RBX1: variants seen among roughly 807,000 people sequenced by gnomAD.
The protein encoded by RBX1 is E3 ubiquitin-protein ligase RBX1.
For synonymous variants in RBX1, 48 were observed against 47.9 expected (o/e 1.00, Z -0.01); for missense variants, 46 against 141.4 (o/e 0.33, Z 3.42).
At chr22:40,960,518 CCA>C (rs2058337028) in intron 2 of RBX1, among the ~76,000 whole-genome samples, 1 of 152,000 alleles carries the variant, frequency 6.6e-6, no homozygotes, top group Non-Finnish European at 1.5e-5. Context: ...AGTGCCATGG[CCA>C]CAGTCAAAAG....
intron 1 of RBX1, among the ~76,000 whole-genome samples, chr22:40,952,382 A>G (rs965252510): frequency 6.6e-6 from 1 of 152,218 alleles, no homozygotes; most frequent in Non-Finnish European, 1.5e-5. Flanking sequence ...TTCCTAGAAC[A>G]TCTGGCTAAA....
At chr22:40,957,588 AG>A (rs1020210351) in intron 2 of RBX1, among the ~76,000 whole-genome samples, 14 of 152,340 alleles carry the variant, frequency 9.2e-5, no homozygotes, top group African/African-American at 3.4e-4. Context: ...CAGTGAGTCA[AG>A]ATTTTGCCAC....
chr22:40,960,502 G>T (rs2058336992), intron 2 of RBX1, among the ~76,000 whole-genome samples: 1 of 152,042 alleles, frequency 6.6e-6, no homozygotes, highest in African/African-American at 2.4e-5. Context: ...GGTTCTTTAG[G>T]TTAGTAGTGC....
At chr22:40,951,937 C>T (rs1044681279) in intron 1 of RBX1, among the ~76,000 whole-genome samples, 1 of 151,680 alleles carries the variant, frequency 6.6e-6, no homozygotes, top group African/African-American at 2.4e-5. Context: ...TGATCTTGCT[C>T]CGCCCCTTTT....
intron 2 of RBX1, among the ~76,000 whole-genome samples, chr22:40,958,533 T>G (rs954613766): frequency 2.6e-5 from 4 of 152,196 alleles, no homozygotes; most frequent in Admixed American, 2.0e-4. Flanking sequence ...TTCTGAAGAC[T>G]TCCTCTTTTA....
At chr22:40,951,526 T>C (rs2058310263) in intron 1 of RBX1, 50 bp downstream of exon 1, 4 of 1,572,858 alleles carry the variant, frequency 2.5e-6, no homozygotes, top group Non-Finnish European at 2.6e-6. Context: ...GGCGCGGATC[T>C]GGCTGGCAGG....
At chr22:40,952,983 C>CGTTT in intron 1 of RBX1, among the ~76,000 whole-genome samples, 1 of 86,900 alleles carries the variant, frequency 1.2e-5, no homozygotes, top group Middle Eastern at 9.3e-3. Context: ...AGTTTGTGCC[C>CGTTT]TTTTTTTTTT....
At chr22:40,959,192 C>T (rs919361282) in intron 2 of RBX1, among the ~76,000 whole-genome samples, 5 of 152,126 alleles carry the variant, frequency 3.3e-5, no homozygotes, top group African/African-American at 9.7e-5. Flanking sequence ...TTTGGTGGTA[C>T]AGCGTTTTTA....
chr22:40,954,736 CTT>C (rs759762135), intron 2 of RBX1, among the ~76,000 whole-genome samples: 51 of 142,536 alleles, frequency 3.6e-4, no homozygotes, highest in Admixed American at 4.2e-4. Flanking sequence ...TACCTGGATG[CTT>C]TTTTTTTTTT....
intron 4 of RBX1, among the ~76,000 whole-genome samples, chr22:40,971,100 A>C (rs913690945): frequency 6.6e-6 from 1 of 152,202 alleles, no homozygotes; most frequent in Non-Finnish European, 1.5e-5. Flanking sequence ...AGCAGGCTCA[A>C]GGTTCCATTT....
At chr22:40,972,437 A>G (rs1358071648) in intron 4 of RBX1, 39 bp from the exon 5 acceptor site, 4 of 1,568,084 alleles carry the variant, frequency 2.6e-6, no homozygotes, top group Non-Finnish European at 3.5e-6. Context: ...ACAGGAAATT[A>G]TCTTGGAATT....
Position 40,962,397 on chromosome 22 carries a change from T to G in RBX1, c.158-1650T>G, listed in dbSNP as rs1222249353. ...ACATGCCCGGCCCACTTTCCACATTTTCGAAGAGTGAAAAGAAAAAGGTAT... is the reference window on the plus strand; with the variant it reads ...ACATGCCCGGCCCACTTTCCACATTGTCGAAGAGTGAAAAGAAAAAGGTAT... On this transcript the variant is annotated intron_variant, in intron 2 of 4. Coordinates refer to ENST00000216225, the MANE Select transcript of RBX1 (RefSeq NM_014248.4). Among the ~76,000 whole-genome samples, 6 of 152,066 alleles carry G rather than the reference T, an allele frequency of 3.9e-5. 1 individual carries two copies. The highest frequency in any genetic ancestry group is 1.5e-5 in the Non-Finnish European group (1 of 68,022).
At chr22:40,965,489 G>A (rs1165668102) in intron 3 of RBX1, among the ~76,000 whole-genome samples, 2 of 150,012 alleles carry the variant, frequency 1.3e-5, no homozygotes, top group Admixed American at 6.7e-5. Context: ...GGCCCAGGCT[G>A]GAGCGCAGTG....
chr22:40,961,757 T>C (rs1488656348), intron 2 of RBX1, among the ~76,000 whole-genome samples: 3 of 151,868 alleles, frequency 2.0e-5, no homozygotes, highest in South Asian at 2.1e-4. Flanking sequence ...AGTGTGAATC[T>C]GGCTAGCAAA....
At chr22:40,951,549 C>A in intron 1 of RBX1, 73 bp downstream of exon 1, 3 of 1,439,096 alleles carry the variant, frequency 2.1e-6, no homozygotes, top group South Asian at 2.4e-5. Context: ...CGAGGATGGT[C>A]GAGGCGCGGA....
chr22:40,951,545 T>C, intron 1 of RBX1, 69 bp downstream of exon 1: 1 of 1,471,350 alleles, frequency 6.8e-7, no homozygotes, highest in Admixed American at 1.9e-5. Flanking sequence ...GGCCCGAGGA[T>C]GGTCGAGGCG....
intron 2 of RBX1, among the ~76,000 whole-genome samples, chr22:40,961,787 C>CTGTGTGTGTG (rs139232745): frequency 1.3e-5 from 2 of 149,240 alleles, no homozygotes; most frequent in African/African-American, 2.5e-5. Flanking sequence ...TTTGCTTTCT[C>CTGTGTGTGTG]TGTGTGTGTG....
intron 2 of RBX1, among the ~76,000 whole-genome samples, chr22:40,956,486 A>G (rs1180840661): frequency 6.7e-6 from 1 of 148,446 alleles, no homozygotes; most frequent in South Asian, 2.1e-4. Context: ...AGTAGCTGGG[A>G]CTACAGGTGT....
At chr22:40,967,970 C>A in intron 4 of RBX1, 86 bp downstream of exon 4, 1 of 835,944 alleles carries the variant, frequency 1.2e-6, no homozygotes, top group African/African-American at 1.7e-5. Context: ...AGACATGATA[C>A]ATGCCTTGTT....
Sources: gnomAD v4.1 joint callset for allele counts (sites outside exome capture counted in the v4.1 genomes callset) on GRCh38, gnomAD v4.1.1 for gene constraint, MANE v1.5 for transcripts, NCBI Gene and HGNC (gene_info 2026-07-23, HGNC 2026-07-21) for gene names.